Variants in C7orf57 observed in about 807,000 individuals in gnomAD.
The protein encoded by C7orf57 is chromosome 7 open reading frame 57, also known as uncharacterized protein C7orf57.
C7orf57 carries 33 observed loss-of-function variants against 39.0 expected under a neutral mutation model. That is an observed-to-expected ratio of 0.85 (90% CI 0.64 to 1.13). The LOEUF is 1.13. C7orf57 is among the 50% of genes most tolerant of loss of function. The pLI is 0.00. For synonymous variants in C7orf57, 124 were observed against 137.1 expected (o/e 0.90, Z 0.67); for missense variants, 346 against 362.3 (o/e 0.95, Z 0.37).
At chr7:48,044,220 G>T (rs534085130) in intron 4 of C7orf57, among the ~76,000 whole-genome samples, 31 of 152,256 alleles carry the variant, frequency 2.0e-4, no homozygotes, top group African/African-American at 2.6e-4. Context: ...ATTAGCGGCG[G>T]GTCTGCAACG....
At chr7:48,047,373 A>T (rs1299600666) in intron 5 of C7orf57, among the ~76,000 whole-genome samples, 3 of 152,256 alleles carry the variant, frequency 2.0e-5, no homozygotes. Context: ...GATACTGAGA[A>T]TAAGAGTGAA....
At chr7:48,050,083 C>G (rs916125293) in intron 6 of C7orf57, 106 bp downstream of exon 6, 8 of 755,940 alleles carry the variant, frequency 1.1e-5, no homozygotes, top group Non-Finnish European at 1.6e-5. Context: ...CACAACTTCC[C>G]GAAGCCCTGT....
chr7:48,052,994 T>A (rs898093889), intron 7 of C7orf57, 71 bp downstream of exon 7: 9 of 1,231,362 alleles, frequency 7.3e-6, no homozygotes, highest in Admixed American at 3.9e-5. Context: ...GACGTTCTTA[T>A]CACATGATGC....
intron 6 of C7orf57, among the ~76,000 whole-genome samples, chr7:48,051,778 C>CT (rs749967397): frequency 6.5e-5 from 4 of 61,314 alleles, no homozygotes; most frequent in East Asian, 3.6e-4. Flanking sequence ...TTCTTTCTTT[C>CT]TTTCTTTCTT....
intron 6 of C7orf57, among the ~76,000 whole-genome samples, chr7:48,052,392 CTTAA>C (rs71687483): frequency 0.41 from 62,887 of 151,672 alleles, 14,000 homozygotes; most frequent in Non-Finnish European, 0.49. Context: ...ATTACTAATT[CTTAA>C]TTGACTATCA....
At chr7:48,038,806 T>G (rs576607233) in intron 2 of C7orf57, among the ~76,000 whole-genome samples, 3 of 152,304 alleles carry the variant, frequency 2.0e-5, no homozygotes, top group African/African-American at 7.2e-5. Flanking sequence ...AATCAATACA[T>G]GTAAGGTATA....
At position 48,061,139 on chromosome 7, in the gene C7orf57, C is replaced by G. The variant is rs1009576714; in HGVS notation, c.*867C>G. ...ATAAACTTATCATGCATTTGCTTAC[C>G]TAAAATTTAAGTTTCAAATTAGTTC... On this transcript the variant is annotated 3_prime_UTR_variant, in exon 9 of 9. Transcript: ENST00000348904. 1 of 151,906 alleles carries G rather than the reference C, an allele frequency of 6.6e-6. No individual in the cohort carries two copies. Among genetic ancestry groups the G allele is most frequent in the Non-Finnish European group, 1.5e-5 (1 of 67,966 alleles). 9.4% of individuals were successfully genotyped at this position (151,906 alleles called of 1,614,324 possible).
Position 48,041,335 on chromosome 7 carries a change from T to A in C7orf57, c.57T>A (p.Asp19Glu). Residue 19 changes from aspartate (D) to glutamate (E), a missense_variant and splice_region_variant, in exon 3 of 9, where the codon GAT (aspartate) becomes GAA (glutamate). Physicochemically the swap from Asp to Glu is conservative, Grantham distance 45. Transcript: ENST00000348904. ...GCCCTCCGCCTCTCTCCTCTATAGA[T>A]TGGTATTACCACGTCCCAGTGAAGC... ...QGATHRYAPC[D>E]WYYHVPVKRS... 2.5e-6 allele frequency: 4 copies of A among 1,611,450 alleles called. No individual in the cohort carries two copies. Among genetic ancestry groups the A allele is most frequent in the Non-Finnish European group, 3.4e-6 (4 of 1,178,552 alleles).
chr7:48,058,004 T>C (rs888925082), intron 8 of C7orf57, among the ~76,000 whole-genome samples: 6 of 152,214 alleles, frequency 3.9e-5, no homozygotes, highest in African/African-American at 1.4e-4. Flanking sequence ...ATTTAATGAT[T>C]TGCATATGTT....
At chr7:48,054,180 C>T (rs1161695150) in intron 7 of C7orf57, among the ~76,000 whole-genome samples, 3 of 152,044 alleles carry the variant, frequency 2.0e-5, no homozygotes, top group Non-Finnish European at 4.4e-5. Context: ...TTCGGGAGGC[C>T]GAGGCAGGCA....
intron 2 of C7orf57, among the ~76,000 whole-genome samples, chr7:48,040,171 G>T (rs972642312): frequency 6.6e-6 from 1 of 152,186 alleles, no homozygotes; most frequent in African/African-American, 2.4e-5. Flanking sequence ...CCAGCCTGCA[G>T]GGCCTGTCCT....
At position 48,041,423 on chromosome 7, in the gene C7orf57, G is replaced by C; in HGVS notation, c.145G>C (p.Asp49His). 3 of 1,613,990 alleles carry C rather than the reference G, an allele frequency of 1.9e-6. No individual in the cohort carries two copies. The highest frequency in any genetic ancestry group is 2.5e-6 in the Non-Finnish European group (3 of 1,179,890). The change falls in exon 3 of 9, where the codon GAC becomes CAC. Residue 49 changes from aspartate (D) to histidine (H), a missense_variant. By Grantham distance (81) the Asp-to-His change is moderately conservative. Transcript: ENST00000348904. ...SQIPGLSNLG[D>H]SHSENLPGTR... ...GATCCCAGGTCTCAGCAATTTGGGA[G>C]ACTCACACAGCGAGAACCTGCCTGG...
intron 7 of C7orf57, 53 bp downstream of exon 7, chr7:48,052,976 C>A: frequency 7.2e-7 from 1 of 1,382,776 alleles, no homozygotes; most frequent in Non-Finnish European, 1.0e-6. Flanking sequence ...AATTGTGATG[C>A]AGCAGCTGAC....
intron 6 of C7orf57, among the ~76,000 whole-genome samples, chr7:48,051,590 G>A (rs35596805): frequency 0.73 from 109,090 of 150,370 alleles, 41,837 homozygotes; most frequent in Middle Eastern, 0.86. Flanking sequence ...TGCCCGCCTC[G>A]GCCTCCCAAA....
chr7:48,040,718 GC>G (rs1790523515), intron 2 of C7orf57, among the ~76,000 whole-genome samples: 2 of 152,294 alleles, frequency 1.3e-5, no homozygotes, highest in South Asian at 4.1e-4. Context: ...GAGAGAGGCT[GC>G]CGAGCTGATT....
intron 4 of C7orf57, among the ~76,000 whole-genome samples, chr7:48,044,189 GC>G (rs1442759909): frequency 2.6e-5 from 4 of 152,190 alleles, no homozygotes; most frequent in African/African-American, 7.2e-5. Context: ...CGGACACTCT[GC>G]CGGATCCGGA....
intron 6 of C7orf57, among the ~76,000 whole-genome samples, chr7:48,051,699 T>TTC (rs978706093): frequency 2.3e-5 from 3 of 131,922 alleles, no homozygotes; most frequent in African/African-American, 7.8e-5. Context: ...CTTTCTTTCT[T>TTC]TCTCTCTCTC....
In C7orf57 at chr7:48,035,571, G is replaced by A; in HGVS notation, c.-161G>A. The A allele has an allele frequency of 4.3e-6, 3 of 697,708 alleles. No individual in the cohort carries two copies. The highest frequency in any genetic ancestry group is 2.7e-5 in the East Asian group (1 of 36,986). 43.2% of individuals were successfully genotyped at this position (697,708 alleles called of 1,614,324 possible). A position where few individuals can be genotyped will look rare whatever the true frequency, so the allele number is the denominator to read the frequency against. ...TTTGGTTGGCTGCAGCCAGCCAGCC[G>A]TGTAAAAACTCCAACGCCGGGCGCC... On this transcript the variant is annotated 5_prime_UTR_variant, in exon 1 of 9. In the 5' UTR this introduces an upstream ATG that the reference lacks. Transcript: ENST00000348904. This position sits in a 1 kb window ranked among gnomAD's most constrained non-coding sequence, Gnocchi z 4.0.
intron 8 of C7orf57, among the ~76,000 whole-genome samples, chr7:48,058,209 A>T (rs1791184866): frequency 6.6e-6 from 1 of 152,214 alleles, no homozygotes; most frequent in Non-Finnish European, 1.5e-5. Context: ...CTGGCCTCAT[A>T]AAATGAGTTT....
Sources: allele counts gnomAD v4.1 joint callset (sites outside exome capture counted in the v4.1 genomes callset), GRCh38; gene constraint gnomAD v4.1.1; non-coding constraint Gnocchi (gnomAD v3.1); transcripts MANE v1.5; gene names NCBI Gene and HGNC (gene_info 2026-07-23, HGNC 2026-07-21).